Variants in SAMSN1 observed in about 807,000 individuals in gnomAD.
The protein encoded by SAMSN1 is SAM domain-containing protein SAMSN-1.
In SAMSN1, 31 loss-of-function variants were observed where a neutral mutation model predicts 42.0. The observed-to-expected ratio is 0.74, with a 90% CI of 0.55 to 1.00. SAMSN1 has a LOEUF of 1.00. SAMSN1 is among the 50% of genes least tolerant of loss of function. SAMSN1 has a pLI of 0.00. For missense variants in SAMSN1, 464 were observed against 439.4 expected (o/e 1.06, Z -0.50); for synonymous variants, 178 against 151.9 (o/e 1.17, Z -1.26).
In SAMSN1 at chr21:14,564,235, G is replaced by T. The variant is rs114769047; in HGVS notation, c.261+17901C>A. ...AGGGTTTTATGGAGACGCCGATGGA[G>T]AATATGGATTATATGTTTTAAAGCC... On this transcript the variant is annotated intron_variant, in intron 2 of 8. Transcript: ENST00000285670. Among the ~76,000 whole-genome samples the T allele has an allele frequency of 4.2e-3, 634 of 152,250 alleles. 5 individuals are homozygous for T. Among genetic ancestry groups the T allele is most frequent in the African/African-American group, 0.014 (602 of 41,550 alleles).
At chr21:14,517,698 C>T (rs573628153) in intron 2 of SAMSN1, among the ~76,000 whole-genome samples, 2 of 152,248 alleles carry the variant, frequency 1.3e-5, no homozygotes, top group South Asian at 4.1e-4. Context: ...TGGACTGCTT[C>T]AGTCTGTGCT....
intron 2 of SAMSN1, among the ~76,000 whole-genome samples, chr21:14,563,785 C>T (rs974709977): frequency 2.6e-5 from 4 of 152,128 alleles, no homozygotes; most frequent in African/African-American, 9.7e-5. Flanking sequence ...CAAATGTTCT[C>T]CATGGAAAGA....
At chr21:14,587,903 C>G (rs56010646), upstream of SAMSN1, among the ~76,000 whole-genome samples, 9,381 of 109,634 alleles carry the variant, frequency 0.086, 487 homozygotes, top group Middle Eastern at 0.19. Flanking sequence ...CCCCTCCCCC[C>G]ACCCCGCAAC....
At chr21:14,558,229 C>A (rs1253275237) in intron 2 of SAMSN1, among the ~76,000 whole-genome samples, 1 of 152,012 alleles carries the variant, frequency 6.6e-6, no homozygotes, top group African/African-American at 2.4e-5. Flanking sequence ...TAGGCCACCT[C>A]CTTGGATTGA....
At chr21:14,556,827 A>C (rs924831027) in intron 2 of SAMSN1, among the ~76,000 whole-genome samples, 2 of 152,194 alleles carry the variant, frequency 1.3e-5, no homozygotes, top group African/African-American at 4.8e-5. Flanking sequence ...ATTTTTTCTC[A>C]AATAAGAAAA....
At chr21:14,582,172 C>T (rs1481865408) in exon 2 of SAMSN1, 2 of 1,550,174 alleles carry the variant, frequency 1.3e-6, no homozygotes, top group Non-Finnish European at 1.7e-6. Context: ...AGCAGGAAGA[C>T]TTGAGACGTG....
intron 2 of SAMSN1, among the ~76,000 whole-genome samples, chr21:14,642,396 A>C (rs1460177296): frequency 6.6e-6 from 1 of 152,228 alleles, no homozygotes; most frequent in Non-Finnish European, 1.5e-5. Flanking sequence ...GTATCCATAA[A>C]TTCAGGAAAC....
rs531557153 is a variant in SAMSN1, at chr21:14,567,558, A to C, written c.261+14578T>G. On this transcript the variant is annotated intron_variant, in intron 2 of 8. Transcript: ENST00000285670. ...CCAGTCGGTTGGAAAGCACAAAACT[A>C]CCTCTGGGGATTTATCCACTGCACC... 5.3e-5 allele frequency among the ~76,000 whole-genome samples: 8 copies of C among 152,090 alleles called. No individual in the cohort carries two copies. In the East Asian group the frequency reaches 1.6e-3, roughly 30 times the overall value.
At chr21:14,536,035 ATCT>A (rs1380196889) in intron 1 of SAMSN1, among the ~76,000 whole-genome samples, 2 of 152,188 alleles carry the variant, frequency 1.3e-5, no homozygotes, top group African/African-American at 4.8e-5. Context: ...ATAGTTTAAA[ATCT>A]TCTGCTATTA....
At chr21:14,652,688 G>A (rs1256393073) in intron 1 of SAMSN1, among the ~76,000 whole-genome samples, 2 of 151,744 alleles carry the variant, frequency 1.3e-5, no homozygotes. Context: ...TGAACAAATC[G>A]TCTCGTATGT....
intron 5 of SAMSN1, among the ~76,000 whole-genome samples, chr21:14,506,964 G>T (rs935146845): frequency 1.3e-5 from 2 of 152,174 alleles, no homozygotes; most frequent in Non-Finnish European, 2.9e-5. Flanking sequence ...CTCAATAGAT[G>T]CAGAAAAAGC....
chr21:14,655,305 AG>A (rs1293784295), intron 1 of SAMSN1, among the ~76,000 whole-genome samples: 1 of 151,762 alleles, frequency 6.6e-6, no homozygotes, highest in African/African-American at 2.4e-5. Context: ...CACAGGTAAA[AG>A]GTTAGAAGAT....
chr21:14,547,545 A>T (rs531148323), upstream of SAMSN1, among the ~76,000 whole-genome samples: 4 of 152,206 alleles, frequency 2.6e-5, no homozygotes, highest in African/African-American at 4.8e-5. Flanking sequence ...AGCAACCCAG[A>T]TTAAGAAAAT....
intron 1 of SAMSN1, among the ~76,000 whole-genome samples, chr21:14,540,225 G>A (rs538148067): frequency 6.6e-6 from 1 of 152,172 alleles, no homozygotes; most frequent in Non-Finnish European, 1.5e-5. Context: ...TCAGGACATA[G>A]GCATGGGCAA....
upstream of SAMSN1, among the ~76,000 whole-genome samples, chr21:14,550,868 A>G (rs1980571346): frequency 6.6e-6 from 1 of 152,124 alleles, no homozygotes; most frequent in African/African-American, 2.4e-5. Flanking sequence ...ATGGAGATGA[A>G]CATATCATGC....
chr21:14,544,231 TG>T (rs1980237995), intron 1 of SAMSN1, among the ~76,000 whole-genome samples: 1 of 152,112 alleles, frequency 6.6e-6, no homozygotes, highest in African/African-American at 2.4e-5. Flanking sequence ...TTGAATTTTT[TG>T]TAGAGATGGG....
chr21:14,494,292 A>C (rs560791833), intron 7 of SAMSN1, among the ~76,000 whole-genome samples: 4 of 152,196 alleles, frequency 2.6e-5, no homozygotes, highest in Non-Finnish European at 4.4e-5. Context: ...TCACAATAGC[A>C]AAGAATTGCA....
At position 14,509,335 on chromosome 21, in the gene SAMSN1, A is replaced by G. The variant is rs540891351; in HGVS notation, c.561+975T>C. On this transcript the variant is annotated intron_variant, in intron 5 of 7. Coordinates refer to ENST00000400566, the MANE Select transcript of SAMSN1 (RefSeq NM_022136.5). Reference sequence around the variant, plus strand: ...CCAAACATCGTATGTTCTCACTCATAAGCAAGAGCTAAGCTATGAAGATGC... The same window carrying G: ...CCAAACATCGTATGTTCTCACTCATGAGCAAGAGCTAAGCTATGAAGATGC... Among the ~76,000 whole-genome samples the G allele has an allele frequency of 2.6e-5, 4 of 152,296 alleles. No individual in the cohort carries two copies. The East Asian group carries it at 5.8e-4, about 22-fold the overall frequency.
In SAMSN1 at chr21:14,583,145, T is replaced by A. The variant is rs183883331; in HGVS notation, c.-93+175A>T. Among the ~76,000 whole-genome samples, 397 of 152,334 alleles carry A rather than the reference T, an allele frequency of 2.6e-3. 1 individual carries two copies. The highest frequency in any genetic ancestry group is 6.4e-3 in the South Asian group (31 of 4,832). On this transcript the variant is annotated intron_variant, in intron 1 of 8. Transcript: ENST00000285670. ...AAGACTCTGATGAAATTTCTAGTAA[T>A]GTAGAAAACAGTTACAGAAAATAGA... is the stretch of plus-strand genomic sequence containing the variant.
Sources: allele counts gnomAD v4.1 joint callset (sites outside exome capture counted in the v4.1 genomes callset), GRCh38; gene constraint gnomAD v4.1.1; transcripts MANE v1.5; gene names NCBI Gene and HGNC (gene_info 2026-07-23, HGNC 2026-07-21).